NFIB: variants seen among roughly 807,000 people sequenced by gnomAD.
NFIB encodes the protein nuclear factor 1 B-type.
A neutral mutation model predicts 61.5 loss-of-function variants in NFIB; 11 were observed. That is an observed-to-expected ratio of 0.18 (90% CI 0.11 to 0.30). The LOEUF (loss-of-function observed/expected upper bound fraction) is 0.30, where lower values mean the gene tolerates loss of function less well. Ranked by LOEUF, NFIB falls within the 10% of genes least tolerant of loss-of-function variation. The pLI is 1.00. For missense variants in NFIB, 471 were observed against 608.9 expected (o/e 0.77, Z 2.38); for synonymous variants, 260 against 216.5 (o/e 1.20, Z -1.76).
chr9:14,475,587 C>T, the NFIB span, among the ~76,000 whole-genome samples: 191 of 152,206 alleles, frequency 1.3e-3, no homozygotes, highest in African/African-American at 4.4e-3. Context: ...GCTGACAGCC[C>T]GTATTCCCCA....
intron 1 of NFIB, among the ~76,000 whole-genome samples, chr9:14,354,143 G>A (rs1332052989): frequency 6.6e-6 from 1 of 152,090 alleles, no homozygotes; most frequent in African/African-American, 2.4e-5. Context: ...TTGCAAATTT[G>A]ACATTATTTT....
At chr9:14,344,093 GGAGAGAGAGAGAGAAA>G (rs974969278) in intron 1 of NFIB, among the ~76,000 whole-genome samples, 11 of 134,010 alleles carry the variant, frequency 8.2e-5, no homozygotes, top group Non-Finnish European at 1.5e-4. Context: ...TTAAAGAGAG[GGAGAGAGAGAGAGAAA>G]GAGAGAGAGA....
chr9:14,490,293 A>G, the NFIB span, among the ~76,000 whole-genome samples: 1 of 151,874 alleles, frequency 6.6e-6, no homozygotes, highest in Non-Finnish European at 1.5e-5. Context: ...CTAGTTGGAC[A>G]TACACATATA....
intron 2 of NFIB, among the ~76,000 whole-genome samples, chr9:14,269,354 T>A (rs539810647): frequency 2.0e-5 from 3 of 152,316 alleles, no homozygotes; most frequent in African/African-American, 7.2e-5. Context: ...AACCTTATAT[T>A]TGATGAAGGT....
At chr9:14,490,605 A>G in the NFIB span, among the ~76,000 whole-genome samples, 1 of 152,142 alleles carries the variant, frequency 6.6e-6, no homozygotes, top group Non-Finnish European at 1.5e-5. Flanking sequence ...CAACTCAATA[A>G]AAAAAGACAG....
chr9:14,180,703 A>T (rs535618173), intron 2 of NFIB: 1 of 152,174 alleles, frequency 6.6e-6, no homozygotes, highest in African/African-American at 2.4e-5. Context: ...CTAGCATTTA[A>T]GTTTTGTCGC....
the NFIB span, among the ~76,000 whole-genome samples, chr9:14,414,705 T>A: frequency 6.6e-6 from 1 of 152,052 alleles, no homozygotes; most frequent in Non-Finnish European, 1.5e-5. Flanking sequence ...AAATGACAAT[T>A]TTGTTGTTAC....
At chr9:14,293,324 T>C (rs558762190) in intron 2 of NFIB, among the ~76,000 whole-genome samples, 3 of 152,314 alleles carry the variant, frequency 2.0e-5, no homozygotes, top group African/African-American at 4.8e-5. Context: ...CACTCAATAA[T>C]CCCAGCATTT....
At chr9:14,282,073 A>C (rs1563972447) in intron 2 of NFIB, among the ~76,000 whole-genome samples, 1 of 152,224 alleles carries the variant, frequency 6.6e-6, no homozygotes, top group Non-Finnish European at 1.5e-5. Context: ...TCAGGGGGCA[A>C]GAAGAATTGC....
At chr9:14,207,973 G>A (rs1463734938) in intron 2 of NFIB, among the ~76,000 whole-genome samples, 1 of 152,160 alleles carries the variant, frequency 6.6e-6, no homozygotes, top group Non-Finnish European at 1.5e-5. Context: ...TTCCCATACA[G>A]AGCACAGCAC....
the NFIB span, among the ~76,000 whole-genome samples, chr9:14,492,871 T>C: frequency 4.6e-5 from 7 of 152,294 alleles, no homozygotes; most frequent in African/African-American, 1.7e-4. Flanking sequence ...TGGAAGAGCT[T>C]TGAACCTGGT....
At chr9:14,367,318 G>T (rs1484429097) in intron 1 of NFIB, among the ~76,000 whole-genome samples, 2 of 152,020 alleles carry the variant, frequency 1.3e-5, no homozygotes, top group Non-Finnish European at 2.9e-5. Flanking sequence ...ATATGGAAAG[G>T]CTAGGAAAGG....
chr9:14,100,020 A>G (rs1183948278), intron 10 of NFIB, among the ~76,000 whole-genome samples: 2 of 152,118 alleles, frequency 1.3e-5, no homozygotes, highest in African/African-American at 4.8e-5. Context: ...TTGCAGTGAG[A>G]CAAGATCGTG....
intron 1 of NFIB, among the ~76,000 whole-genome samples, chr9:14,388,367 AGAAGGAAGGAAGGAAG>A (rs55755915): frequency 0.019 from 2,450 of 131,850 alleles, 92 homozygotes; most frequent in African/African-American, 0.062. Flanking sequence ...AGAGAAAGAA[AGAAGGAAGGAAGGAAG>A]GAAGGAAGGA....
the NFIB span, among the ~76,000 whole-genome samples, chr9:14,476,736 A>T: frequency 6.6e-6 from 1 of 152,204 alleles, no homozygotes; most frequent in Non-Finnish European, 1.5e-5. Context: ...CAGCAAGAAA[A>T]CCCGGTAATC....
At chr9:14,159,545 C>A (rs2890980) in intron 3 of NFIB, among the ~76,000 whole-genome samples, 76 of 152,206 alleles carry the variant, frequency 5.0e-4, no homozygotes, top group Admixed American at 4.8e-3. Context: ...GGAGAAGCAC[C>A]GGAAGCAGAT....
intron 2 of NFIB, among the ~76,000 whole-genome samples, chr9:14,195,334 T>C (rs10961413): frequency 0.12 from 17,891 of 152,220 alleles, 1,415 homozygotes; most frequent in East Asian, 0.38. Context: ...TTTTAGGAAA[T>C]AATGCTTGTC....
the NFIB span, among the ~76,000 whole-genome samples, chr9:14,486,214 G>T: frequency 1.1e-3 from 167 of 152,304 alleles, 4 homozygotes; most frequent in South Asian, 0.034. Context: ...TTGGAGATTA[G>T]AGAGGACATA....
intron 2 of NFIB, among the ~76,000 whole-genome samples, chr9:14,226,549 G>GAAA (rs79951404): frequency 1.1e-5 from 1 of 89,366 alleles, no homozygotes; most frequent in Non-Finnish European, 2.3e-5. Context: ...CCCTATCTCA[G>GAAA]AAAAAAAAAA....
Sources: gnomAD v4.1 joint callset for allele counts (sites outside exome capture counted in the v4.1 genomes callset) on GRCh38, gnomAD v4.1.1 for gene constraint, MANE v1.5 for transcripts, NCBI Gene and HGNC (gene_info 2026-07-23, HGNC 2026-07-21) for gene names.